PYROXD1: variants seen among roughly 807,000 people sequenced by gnomAD.
PYROXD1 encodes tRNA ligase complex-associated NAD(P)H dehydrogenase PYROXD1.
In PYROXD1, 42 loss-of-function variants were observed where a neutral mutation model predicts 62.0. That is an observed-to-expected ratio of 0.68 (90% CI 0.53 to 0.88). The LOEUF (loss-of-function observed/expected upper bound fraction) is 0.88, where lower values mean the gene tolerates loss of function less well. Among genes scored for constraint, PYROXD1 ranks in the 40% least tolerant of loss-of-function variants. The pLI is 0.00. For missense variants in PYROXD1, 493 were observed against 604.8 expected (o/e 0.82, Z 1.94); for synonymous variants, 170 against 206.4 (o/e 0.82, Z 1.51).
intron 9 of PYROXD1, 86 bp downstream of exon 9, chr12:21,462,206 AT>A: frequency 1.3e-6 from 1 of 743,614 alleles, no homozygotes. Context: ...AATAATTATT[AT>A]TTTAGTGTAC....
intron 1 of PYROXD1, among the ~76,000 whole-genome samples, chr12:21,439,139 G>A (rs1236680085): frequency 1.3e-5 from 2 of 152,200 alleles, no homozygotes; most frequent in Non-Finnish European, 2.9e-5. Flanking sequence ...GAGCAGTAAA[G>A]CTTAAAGCAT....
chr12:21,470,980 T>A lies in PYROXD1; in HGVS notation c.*2226T>A. 6.5e-7 allele frequency: 1 copy of A among 1,548,192 alleles called. No homozygotes were observed. Among genetic ancestry groups the A allele is most frequent in the Non-Finnish European group, 8.7e-7 (1 of 1,154,228 alleles). On this transcript the variant is annotated 3_prime_UTR_variant, in exon 12 of 12. Transcript: ENST00000240651. ...TAATAGCCATTTACCCTGAAAGAGT[T>A]CTGCGTGGACTTTGTCACTTGCATA...
intron 2 of PYROXD1, among the ~76,000 whole-genome samples, chr12:21,441,640 T>C (rs1942297601): frequency 6.6e-6 from 1 of 152,100 alleles, no homozygotes; most frequent in Admixed American, 6.5e-5. Flanking sequence ...TAAATAACTT[T>C]TTAAATTTTT....
chr12:21,452,164 T>C lies in PYROXD1; in HGVS notation c.488+10T>C. 7.0e-7 allele frequency: 1 copy of C among 1,431,508 alleles called. No homozygotes were observed. The highest frequency in any genetic ancestry group is 9.4e-7 in the Non-Finnish European group (1 of 1,064,438). The allele number at this position is 1,431,508 out of a possible 1,614,324, so 88.7% of individuals were successfully genotyped here. A position where few individuals can be genotyped will look rare whatever the true frequency, so the allele number is the denominator to read the frequency against. On this transcript the variant is annotated intron_variant, in intron 5 of 11. Transcript: ENST00000240651. ...TTGCACTTGAGTTAGTGTAAGTATA[T>C]ATTTTTAAATATGATAACATTTAAA...
chr12:21,466,813 ATTATT>A (rs1942803098), intron 10 of PYROXD1, among the ~76,000 whole-genome samples: 1 of 152,062 alleles, frequency 6.6e-6, no homozygotes, highest in South Asian at 2.1e-4. Context: ...CATAGATCTT[ATTATT>A]TTGAGATACG....
In PYROXD1 at chr12:21,437,980, C is replaced by T. The variant is rs1266088960; in HGVS notation, c.84+166C>T. 9.3e-6 allele frequency: 6 copies of T among 644,338 alleles called. No individual in the cohort carries two copies. The African/African-American group carries it at 1.1e-4, about 12-fold the overall frequency. 39.9% of individuals were successfully genotyped at this position (644,338 alleles called of 1,614,324 possible). A position where few individuals can be genotyped will look rare whatever the true frequency, so the allele number is the denominator to read the frequency against. ...ATTTTAGAAACTGCTTGGTGGTCCTCAGATGACCTCACTAGCTTTCTCTTA... is the reference window on the plus strand; with the variant it reads ...ATTTTAGAAACTGCTTGGTGGTCCTTAGATGACCTCACTAGCTTTCTCTTA... On this transcript the variant is annotated intron_variant, in intron 1 of 11. Transcript: ENST00000240651.
In PYROXD1 at chr12:21,445,335, G is replaced by C; in HGVS notation, c.166-12G>C. The C allele has an allele frequency of 6.4e-7, 1 of 1,555,096 alleles. No individual in the cohort carries two copies. Among genetic ancestry groups the C allele is most frequent in the Non-Finnish European group, 8.6e-7 (1 of 1,157,626 alleles). On this transcript the variant is annotated splice_polypyrimidine_tract_variant and intron_variant, in intron 2 of 11. Coordinates refer to ENST00000240651, the MANE Select transcript of PYROXD1 (RefSeq NM_024854.5). ...TAAAAATATACATTTTTAATCTCTT[G>C]GATCTATACAGATTTCTAAAATATT...
Position 21,456,001 on chromosome 12 carries a change from A to AT in PYROXD1, c.656_657insT (p.Lys219AsnfsTer5). The stretch of plus-strand genomic sequence containing the variant: ...TTTAATTTCATCTCTTTAGGAAGGA[A>AT]AAAGGAAGCTAGAAGCAAATCTAAA... On this transcript the variant is annotated frameshift_variant, in exon 7 of 12. Transcript: ENST00000240651. LOFTEE classifies it high-confidence loss of function. 1.2e-6 allele frequency: 2 copies of AT among 1,601,424 alleles called. No individual in the cohort carries two copies. Among genetic ancestry groups the AT allele is most frequent in the Non-Finnish European group, 1.7e-6 (2 of 1,171,564 alleles).
At chr12:21,450,785 A>G (rs1361823893) in intron 4 of PYROXD1, among the ~76,000 whole-genome samples, 1 of 152,232 alleles carries the variant, frequency 6.6e-6, no homozygotes, top group Non-Finnish European at 1.5e-5. Context: ...TTAAGTTCAT[A>G]TTATCAGAGA....
At chr12:21,460,424 TATTTA>T (rs1942673928) in intron 7 of PYROXD1, among the ~76,000 whole-genome samples, 1 of 111,158 alleles carries the variant, frequency 9.0e-6, no homozygotes, top group African/African-American at 3.4e-5. Flanking sequence ...TTATTTATTT[TATTTA>T]TTTATTTTTT....
intron 7 of PYROXD1, among the ~76,000 whole-genome samples, chr12:21,457,493 T>C (rs906858988): frequency 1.3e-5 from 2 of 151,804 alleles, no homozygotes; most frequent in African/African-American, 4.8e-5. Context: ...TTCAGTAAAC[T>C]ATGTAAACAG....
intron 10 of PYROXD1, among the ~76,000 whole-genome samples, chr12:21,465,246 C>G (rs1463911573): frequency 6.6e-6 from 1 of 152,204 alleles, no homozygotes; most frequent in Non-Finnish European, 1.5e-5. Context: ...AATCGCCACA[C>G]CAACTTCCAC....
intron 1 of PYROXD1, 119 bp downstream of exon 1, chr12:21,437,933 T>A (rs1942222270): frequency 1.1e-6 from 1 of 879,772 alleles, no homozygotes; most frequent in Non-Finnish European, 1.7e-6. Context: ...GCTGCGCCCT[T>A]TTCCGCACTT....
intron 4 of PYROXD1, 59 bp downstream of exon 4, chr12:21,449,750 T>TA: frequency 1.4e-6 from 2 of 1,467,330 alleles, no homozygotes; most frequent in Non-Finnish European, 1.9e-6. Context: ...ACATTTGAAT[T>TA]AAAGTGTTCC....
intron 7 of PYROXD1, among the ~76,000 whole-genome samples, chr12:21,458,691 A>G (rs1057038204): frequency 1.3e-5 from 2 of 152,160 alleles, no homozygotes; most frequent in East Asian, 3.9e-4. Flanking sequence ...AAGGAGGCCC[A>G]AGGAGAGGGA....
At chr12:21,449,437 C>G (rs752001327) in intron 3 of PYROXD1, 126 bp from the exon 4 acceptor site, 4 of 720,220 alleles carry the variant, frequency 5.6e-6, no homozygotes, top group Non-Finnish European at 8.7e-6. Flanking sequence ...GAACTGAGTG[C>G]CACCAAGAGG....
intron 3 of PYROXD1, among the ~76,000 whole-genome samples, chr12:21,446,376 G>C (rs975001688): frequency 6.6e-6 from 1 of 152,072 alleles, no homozygotes; most frequent in African/African-American, 2.4e-5. Context: ...AGTGAGCCCA[G>C]ATCGCACCAC....
Position 21,460,207 on chromosome 12 carries a change from CCTT to C in PYROXD1, c.751-811_751-809del, listed in dbSNP as rs566853549. ...TTTGTGATGGAAATTACACAAAGTC[CCTT>C]CTTCTTGCACCTTCAGATCCTAATA... is the stretch of plus-strand genomic sequence containing the variant. On this transcript the variant is annotated intron_variant, in intron 7 of 11. Transcript: ENST00000240651. Among the ~76,000 whole-genome samples, 529 of 145,562 alleles carry C rather than the reference CCTT, an allele frequency of 3.6e-3. 3 individuals carry two copies. Among genetic ancestry groups the C allele is most frequent in the African/African-American group, 0.013 (494 of 39,138 alleles).
intron 4 of PYROXD1, among the ~76,000 whole-genome samples, chr12:21,451,602 A>G (rs1445334285): frequency 1.3e-5 from 2 of 152,164 alleles, no homozygotes; most frequent in African/African-American, 2.4e-5. Flanking sequence ...AGGGTAAGCA[A>G]CTTGCCCAAA....
Sources: gnomAD v4.1 joint callset for allele counts (sites outside exome capture counted in the v4.1 genomes callset) on GRCh38, gnomAD v4.1.1 for gene constraint, MANE v1.5 for transcripts, NCBI Gene and HGNC (gene_info 2026-07-23, HGNC 2026-07-21) for gene names.